NTAQ1: variants seen among roughly 807,000 people sequenced by gnomAD.
NTAQ1 encodes N-terminal glutamine amidase 1, also known as protein N-terminal glutamine amidohydrolase.
In NTAQ1, 21 loss-of-function variants were observed where a neutral mutation model predicts 28.2. The observed-to-expected ratio is 0.74, with a 90% confidence interval of 0.53 to 1.07. The LOEUF (loss-of-function observed/expected upper bound fraction) is 1.07, where lower values mean the gene tolerates loss of function less well. NTAQ1 is among the 50% of genes least tolerant of loss of function. The probability of loss-of-function intolerance (pLI) is 0.00; values close to 1 mark genes in which losing one functional copy is unlikely to be tolerated. For missense variants in NTAQ1, 264 were observed against 256.6 expected (o/e 1.03, Z -0.20); for synonymous variants, 105 against 90.0 (o/e 1.17, Z -0.94).
chr8:123,459,851 G>C (rs1165331348), intron 6 of NTAQ1, among the ~76,000 whole-genome samples: 1 of 147,812 alleles, frequency 6.8e-6, no homozygotes, highest in African/African-American at 2.5e-5. Context: ...GCCCAGGCTG[G>C]AGTGCAATGG....
chr8:123,465,231 T>C (rs1815933044), intron 6 of NTAQ1, among the ~76,000 whole-genome samples: 1 of 152,222 alleles, frequency 6.6e-6, no homozygotes, highest in South Asian at 2.1e-4. Context: ...GAAATTGACA[T>C]TGACATTGAC....
At chr8:123,469,389 A>G (rs1414062638) in exon 7 of NTAQ1, among the ~76,000 whole-genome samples, 1 of 152,238 alleles carries the variant, frequency 6.6e-6, no homozygotes, top group Non-Finnish European at 1.5e-5. Flanking sequence ...AAGCTTACAG[A>G]CAAGAGACTA....
At position 123,437,294 on chromosome 8, in the gene NTAQ1, G is replaced by A; in HGVS notation, c.468G>A (p.Trp156Ter). The A allele has an allele frequency of 6.2e-7, 1 of 1,614,168 alleles. No homozygotes were observed. Among genetic ancestry groups the A allele is most frequent in the Non-Finnish European group, 8.5e-7 (1 of 1,180,002 alleles). Residue 156 changes from tryptophan to a stop codon, truncating the protein, a stop_gained, in exon 5 of 6, where the codon TGG (tryptophan) becomes TGA (stop). Coordinates refer to ENST00000287387, the MANE Select transcript of NTAQ1 (RefSeq NM_018024.3). LOFTEE classifies it high-confidence loss of function. Reference sequence around the variant, plus strand: ...ACATGAAAGACTCCAGTGGGAATTGGAGAGAGCCTCCGCCGCCATATCCCT... The same window carrying A: ...ACATGAAAGACTCCAGTGGGAATTGAAGAGAGCCTCCGCCGCCATATCCCT... The part of the protein sequence containing the change: ...RSHMKDSSGN[W>*]REPPPPYPCI...
At chr8:123,457,109 T>A (rs1268561564) in intron 6 of NTAQ1, among the ~76,000 whole-genome samples, 1 of 152,180 alleles carries the variant, frequency 6.6e-6, no homozygotes, top group Non-Finnish European at 1.5e-5. Flanking sequence ...CTCTGTCACC[T>A]AGGCTGGAGT....
chr8:123,439,567 C>T (rs1013890353), intron 5 of NTAQ1, among the ~76,000 whole-genome samples: 3 of 151,870 alleles, frequency 2.0e-5, no homozygotes, highest in East Asian at 2.0e-4. Context: ...AGGATGGTCT[C>T]GATCTCCTGA....
intron 1 of NTAQ1, among the ~76,000 whole-genome samples, chr8:123,423,181 C>G (rs1813815048): frequency 1.3e-5 from 2 of 151,958 alleles, no homozygotes. Context: ...AATTCTTCCA[C>G]AACTCGCTTG....
chr8:123,463,723 G>A (rs1364901794), intron 6 of NTAQ1, among the ~76,000 whole-genome samples: 1 of 152,148 alleles, frequency 6.6e-6, no homozygotes, highest in Non-Finnish European at 1.5e-5. Context: ...CAGCAGCTAA[G>A]GGGGAAGAAA....
intron 5 of NTAQ1, among the ~76,000 whole-genome samples, chr8:123,440,789 A>C (rs13265068): frequency 0.36 from 55,163 of 151,870 alleles, 10,119 homozygotes; most frequent in East Asian, 0.56. Flanking sequence ...GTGTGAGCCA[A>C]CATGCTTGGC....
chr8:123,436,707 A>G (rs6470148), intron 4 of NTAQ1, 106 bp downstream of exon 4: 1,145,192 of 1,232,198 alleles, frequency 0.93, 532,409 homozygotes, highest in East Asian at 1. Flanking sequence ...ATCTCGTCTG[A>G]CATCACCATT....
At chr8:123,440,146 CTTTTTTTTTTTT>C (rs577877415) in intron 5 of NTAQ1, among the ~76,000 whole-genome samples, 1 of 56,542 alleles carries the variant, frequency 1.8e-5, no homozygotes, top group Non-Finnish European at 3.0e-5. Context: ...GGATTAACTC[CTTTTTTTTTTTT>C]TTTTTTTTTT....
At chr8:123,441,176 C>T (rs1007491972) in intron 5 of NTAQ1, 130 bp from the exon 6 acceptor site, 1 of 673,136 alleles carries the variant, frequency 1.5e-6, no homozygotes, top group Non-Finnish European at 2.5e-6. Flanking sequence ...GGCCAGAAAA[C>T]CACAGAAGTG....
intron 3 of NTAQ1, among the ~76,000 whole-genome samples, chr8:123,432,809 T>G (rs1814477622): frequency 6.6e-6 from 1 of 151,676 alleles, no homozygotes; most frequent in South Asian, 2.1e-4. Context: ...GCCTCCCGAG[T>G]AGCTGGAATT....
Position 123,464,514 on chromosome 8 carries a change from C to T in NTAQ1, c.373-2565C>T, listed in dbSNP as rs1198107061. On this transcript the variant is annotated intron_variant, in intron 6 of 6. Coordinates refer to the NTAQ1 transcript ENST00000650311. ...GAGACGCCACTGGAGAGAGCATTGC[C>T]AGGCTGTGCCTCCACTCTCCCTCCC... 2.0e-5 allele frequency among the ~76,000 whole-genome samples: 3 copies of T among 152,316 alleles called. No individual in the cohort carries two copies. The East Asian group carries it at 5.8e-4, about 29-fold the overall frequency.
chr8:123,442,658 A>T (rs1419125143), downstream of NTAQ1, among the ~76,000 whole-genome samples: 2 of 151,686 alleles, frequency 1.3e-5, no homozygotes, highest in East Asian at 3.9e-4. Context: ...TATGGAGGGT[A>T]CAAATGTAAC....
chr8:123,435,170 G>C (rs1814628438), intron 3 of NTAQ1, among the ~76,000 whole-genome samples: 1 of 152,144 alleles, frequency 6.6e-6, no homozygotes, highest in African/African-American at 2.4e-5. Context: ...AGAACTCAGA[G>C]CACCACATTG....
chr8:123,431,517 T>C (rs1814393390), intron 3 of NTAQ1, among the ~76,000 whole-genome samples: 1 of 152,222 alleles, frequency 6.6e-6, no homozygotes, highest in Non-Finnish European at 1.5e-5. Context: ...GTGTTTTATA[T>C]GCCAGGCTAA....
chr8:123,423,870 T>TTA (rs1813874501), intron 1 of NTAQ1, among the ~76,000 whole-genome samples: 1 of 149,436 alleles, frequency 6.7e-6, no homozygotes, highest in Non-Finnish European at 1.5e-5. Flanking sequence ...CTTTGTAGTT[T>TTA]TTATTATTAT....
chr8:123,444,125 A>G (rs753824203), downstream of NTAQ1, among the ~76,000 whole-genome samples: 6 of 151,918 alleles, frequency 3.9e-5, no homozygotes, highest in African/African-American at 9.7e-5. Context: ...TTAATATTCA[A>G]CATGTGTGAG....
downstream of NTAQ1, among the ~76,000 whole-genome samples, chr8:123,451,843 A>C (rs7341642): frequency 0.54 from 82,746 of 152,230 alleles, 22,758 homozygotes; most frequent in Non-Finnish European, 0.58. Flanking sequence ...GGATAATGCT[A>C]GAAAACTGCT....
Sources: gnomAD v4.1 joint callset for allele counts (sites outside exome capture counted in the v4.1 genomes callset) on GRCh38, gnomAD v4.1.1 for gene constraint, MANE v1.5 for transcripts, NCBI Gene and HGNC (gene_info 2026-07-23, HGNC 2026-07-21) for gene names.